Variants in KIF26B observed in about 807,000 individuals in gnomAD.
KIF26B encodes the protein kinesin family member 26B.
Under a neutral mutation model 151.2 loss-of-function variants are expected in KIF26B, and 63 were observed. The observed-to-expected ratio is 0.42, with a 90% confidence interval of 0.34 to 0.51. The LOEUF (loss-of-function observed/expected upper bound fraction) is 0.51, where lower values mean the gene tolerates loss of function less well. KIF26B is among the 20% of genes least tolerant of loss of function. The pLI is 0.07. For synonymous variants in KIF26B, 1,357 were observed against 1,262.1 expected (o/e 1.08, Z -1.59); for missense variants, 2,813 against 2,913.6 (o/e 0.97, Z 0.79).
chr1:245,305,129 C>T (rs1025421267), intron 2 of KIF26B, among the ~76,000 whole-genome samples: 2 of 152,084 alleles, frequency 1.3e-5, no homozygotes, highest in Non-Finnish European at 2.9e-5. Context: ...TGTTTTCTCT[C>T]TAAAATTGAT....
chr1:245,234,273 C>T (rs1670059314), intron 2 of KIF26B: 2 of 152,182 alleles, frequency 1.3e-5, no homozygotes, highest in South Asian at 4.1e-4. Context: ...GTTGTTGGAA[C>T]TTTGTTTGAT....
chr1:245,366,875 C>T lies in KIF26B; in HGVS notation c.507C>T (p.Val169=), dbSNP rs201717788. The T allele has an allele frequency of 3.2e-3, 5,213 of 1,614,038 alleles. 55 individuals are homozygous for T. The highest frequency in any genetic ancestry group is 7.6e-3 in the Middle Eastern group (46 of 6,062). The change falls in exon 3 of 15, where the codon GTC becomes GTT. Residue 169 remains valine, a synonymous_variant. Transcript: ENST00000407071. ...FSAVIHDKLQ[V]PNTIRKAWND... is the part of the protein sequence containing the mutation. ...CTGTGATTCACGACAAACTCCAGGTCCCCAACACCATCCGGAAGGCATGGA... is the reference window on the plus strand; with the variant it reads ...CTGTGATTCACGACAAACTCCAGGTTCCCAACACCATCCGGAAGGCATGGA...
chr1:245,398,117 T>C (rs1403973610), intron 3 of KIF26B, among the ~76,000 whole-genome samples: 1 of 152,126 alleles, frequency 6.6e-6, no homozygotes, highest in African/African-American at 2.4e-5. Flanking sequence ...AGAAGGTGGA[T>C]TTGTTGACCT....
chr1:245,487,191 C>T (rs1362786502), intron 4 of KIF26B, among the ~76,000 whole-genome samples: 1 of 152,158 alleles, frequency 6.6e-6, no homozygotes, highest in East Asian at 1.9e-4. Context: ...ATCATGCCCA[C>T]ATCTTTCTGA....
intron 3 of KIF26B, among the ~76,000 whole-genome samples, chr1:245,380,696 C>T (rs1673386419): frequency 1.3e-5 from 2 of 152,112 alleles, no homozygotes; most frequent in African/African-American, 4.8e-5. Flanking sequence ...CCTGCCCCAG[C>T]CCCTCTCTGG....
chr1:245,702,389 C>T lies in KIF26B; in HGVS notation c.6179-69C>T. 6.4e-7 allele frequency: 1 copy of T among 1,573,712 alleles called. No homozygotes were observed. The highest frequency in any genetic ancestry group is 8.7e-7 in the Non-Finnish European group (1 of 1,149,880). On this transcript the variant is annotated intron_variant, in intron 14 of 14. Coordinates refer to ENST00000407071, the MANE Select transcript of KIF26B (RefSeq NM_018012.4). The surrounding 1 kb of genome is among the most constrained non-coding windows in gnomAD (Gnocchi z 4.1). ...TAGATGTGGGGGTGGCAGCTCCAGG[C>T]TGAGCCGTCGGGAGTTGCTTCTCAC...
chr1:245,424,555 C>T (rs2103038455), intron 4 of KIF26B, among the ~76,000 whole-genome samples: 1 of 152,146 alleles, frequency 6.6e-6, no homozygotes, highest in African/African-American at 2.4e-5. Flanking sequence ...CTGGGTGAAC[C>T]TTGTTACATT....
At chr1:245,158,747 G>GA (rs1352103997) in intron 2 of KIF26B, among the ~76,000 whole-genome samples, 1 of 152,188 alleles carries the variant, frequency 6.6e-6, no homozygotes, top group Non-Finnish European at 1.5e-5. Context: ...CAGCCAGGAA[G>GA]AAGGATGCTT....
intron 14 of KIF26B, among the ~76,000 whole-genome samples, chr1:245,699,488 T>TGAG (rs755161355): frequency 6.7e-6 from 1 of 149,578 alleles, no homozygotes; most frequent in Non-Finnish European, 1.5e-5. Context: ...AAAACATTTT[T>TGAG]GAGTGGAAAA....
chr1:245,687,266 A>G lies in KIF26B; in HGVS notation c.4283A>G (p.Glu1428Gly), dbSNP rs772847649. Residue 1428 changes from glutamate (E) to glycine (G), a missense_variant, in exon 12 of 15, where the codon GAA becomes GGA. Coordinates refer to ENST00000407071, the MANE Select transcript of KIF26B (RefSeq NM_018012.4). This position sits in a 1 kb window ranked among gnomAD's most constrained non-coding sequence, Gnocchi z 4.9. ...TTAGCCCAGTCCCGGGAGAGTAAGG[A>G]AAACAGTGCAAAGAAAGAGATGAAA... ...PTLAQSRESKENSAKKEMKFE... is the reference protein window; with the variant it reads ...PTLAQSRESKGNSAKKEMKFE... The G allele has an allele frequency of 2.5e-6, 4 of 1,611,770 alleles. No individual in the cohort carries two copies. The South Asian group carries it at 4.4e-5, about 18-fold the overall frequency.
chr1:245,281,838 C>A (rs61829575), intron 2 of KIF26B, among the ~76,000 whole-genome samples: 1 of 151,628 alleles, frequency 6.6e-6, no homozygotes, highest in Non-Finnish European at 1.5e-5. Flanking sequence ...GCCAGTTTTC[C>A]CAGCACCATT....
intron 4 of KIF26B, among the ~76,000 whole-genome samples, chr1:245,531,098 T>TGA (rs1391398376): frequency 6.6e-6 from 1 of 152,200 alleles, no homozygotes; most frequent in African/African-American, 2.4e-5. Context: ...CTCACTGTAC[T>TGA]GAGACATTTT....
intron 3 of KIF26B, among the ~76,000 whole-genome samples, chr1:245,378,442 T>C (rs1235822123): frequency 6.6e-6 from 1 of 152,144 alleles, no homozygotes; most frequent in African/African-American, 2.4e-5. Flanking sequence ...TGAGCATCCC[T>C]GCACAGGGGG....
chr1:245,269,553 C>T (rs1397567737), intron 2 of KIF26B, among the ~76,000 whole-genome samples: 6 of 151,938 alleles, frequency 3.9e-5, no homozygotes, highest in South Asian at 2.1e-4. Context: ...CAACCTCCAC[C>T]TCCTGGGTTC....
Position 245,606,253 on chromosome 1 carries a change from G to A in KIF26B, c.1558-1398G>A, listed in dbSNP as rs1410254187. ...ACAAGTGACAGCTGTTGGAAGTGTG[G>A]TTTTTCAATTTTAGTTTAGGAGAGA... On this transcript the variant is annotated intron_variant, in intron 6 of 14. Coordinates refer to ENST00000407071, the MANE Select transcript of KIF26B (RefSeq NM_018012.4). The surrounding 1 kb of genome is among the most constrained non-coding windows in gnomAD (Gnocchi z 4.6). Among the ~76,000 whole-genome samples, 1 of 152,246 alleles carries A rather than the reference G, an allele frequency of 6.6e-6. No individual in the cohort carries two copies. Among genetic ancestry groups the A allele is most frequent in the Non-Finnish European group, 1.5e-5 (1 of 68,020 alleles).
intron 10 of KIF26B, among the ~76,000 whole-genome samples, chr1:245,681,446 T>A (rs2044438208): frequency 6.6e-6 from 1 of 152,096 alleles, no homozygotes. Flanking sequence ...CCTGACCTCA[T>A]GATCCACCCA....
chr1:245,159,277 A>G (rs551174224), intron 2 of KIF26B, among the ~76,000 whole-genome samples: 7 of 152,352 alleles, frequency 4.6e-5, no homozygotes, highest in African/African-American at 1.7e-4. Context: ...ACTAGGTGGT[A>G]TTAAATGTCT....
chr1:245,581,634 G>A (rs1225743042), intron 5 of KIF26B, among the ~76,000 whole-genome samples: 1 of 152,168 alleles, frequency 6.6e-6, no homozygotes, highest in Admixed American at 6.5e-5. Context: ...ATTAACACAT[G>A]CTCTCTGGTG....
chr1:245,693,123 C>G (rs536380533), intron 12 of KIF26B, among the ~76,000 whole-genome samples: 157 of 152,192 alleles, frequency 1.0e-3, no homozygotes, highest in Non-Finnish European at 9.6e-4. Context: ...TGTGTTACTT[C>G]CTTGGATTCT....
Sources: allele counts gnomAD v4.1 joint callset (sites outside exome capture counted in the v4.1 genomes callset), GRCh38; gene constraint gnomAD v4.1.1; non-coding constraint Gnocchi (gnomAD v3.1); transcripts MANE v1.5; gene names NCBI Gene and HGNC (gene_info 2026-07-23, HGNC 2026-07-21).